OXR1: variants seen among roughly 807,000 people sequenced by gnomAD.
OXR1 encodes the protein oxidation resistance 1, also known as oxidation resistance protein 1.
In OXR1, 41 loss-of-function variants were observed where a neutral mutation model predicts 104.6. The ratio of observed to expected loss-of-function variants is 0.39; its 90% CI spans 0.31 to 0.51. OXR1 has a LOEUF of 0.51. Ranked by LOEUF, OXR1 falls within the 20% of genes least tolerant of loss-of-function variation. The pLI is 0.77. For synonymous variants in OXR1, 348 were observed against 348.4 expected (o/e 1.00, Z 0.01); for missense variants, 955 against 1,031.9 (o/e 0.93, Z 1.02).
At chr8:106,340,568 G>A (rs888654500) in intron 1 of OXR1, among the ~76,000 whole-genome samples, 4 of 151,998 alleles carry the variant, frequency 2.6e-5, no homozygotes, top group African/African-American at 9.7e-5. Flanking sequence ...TTTCTTCATA[G>A]CATTTATGAT....
intron 3 of OXR1, among the ~76,000 whole-genome samples, chr8:106,592,280 G>C (rs765038232): frequency 6.6e-6 from 1 of 152,000 alleles, no homozygotes; most frequent in Non-Finnish European, 1.5e-5. Context: ...CAATAAATAA[G>C]AAAAAATCAA....
At chr8:106,428,868 A>G (rs1027295494) in intron 2 of OXR1, among the ~76,000 whole-genome samples, 4 of 152,144 alleles carry the variant, frequency 2.6e-5, no homozygotes, top group Non-Finnish European at 5.9e-5. Context: ...ATCAGTAAGC[A>G]TCTCATTGTT....
At chr8:106,561,628 AG>A (rs781208500) in intron 3 of OXR1, among the ~76,000 whole-genome samples, 2 of 152,206 alleles carry the variant, frequency 1.3e-5, no homozygotes, top group Non-Finnish European at 2.9e-5. Flanking sequence ...AGCTCTGCTA[AG>A]GGACAGACTA....
At chr8:106,666,767 G>A (rs1587008913) in intron 3 of OXR1, among the ~76,000 whole-genome samples, 2 of 152,120 alleles carry the variant, frequency 1.3e-5, no homozygotes, top group South Asian at 4.1e-4. Flanking sequence ...GATCAGATAC[G>A]GAAGGTAATC....
chr8:106,339,726 A>AT (rs1253108946), intron 1 of OXR1, among the ~76,000 whole-genome samples: 7 of 150,844 alleles, frequency 4.6e-5, no homozygotes, highest in Admixed American at 2.6e-4. Context: ...TCTTCCTTTG[A>AT]TAAAAAAAAA....
chr8:106,656,803 A>G (rs1371129102), intron 3 of OXR1, among the ~76,000 whole-genome samples: 1 of 151,382 alleles, frequency 6.6e-6, no homozygotes, highest in Non-Finnish European at 1.5e-5. Context: ...ATGATGCAAA[A>G]AAGATCTGTC....
At chr8:106,714,293 AATTTTGCTGTTATATT>A (rs1195756417) in intron 11 of OXR1, among the ~76,000 whole-genome samples, 1 of 152,006 alleles carries the variant, frequency 6.6e-6, no homozygotes, top group Non-Finnish European at 1.5e-5. Context: ...AAATAATTTT[AATTTTGCTGTTATATT>A]AATTTTCATA....
At chr8:106,674,485 C>T (rs545943867) in intron 3 of OXR1, among the ~76,000 whole-genome samples, 4 of 152,082 alleles carry the variant, frequency 2.6e-5, no homozygotes, top group East Asian at 3.9e-4. Flanking sequence ...TGCCTTGTCT[C>T]GGGTAAGACT....
intron 3 of OXR1, among the ~76,000 whole-genome samples, chr8:106,631,318 C>A (rs1822667456): frequency 6.6e-6 from 1 of 152,138 alleles, no homozygotes; most frequent in Non-Finnish European, 1.5e-5. Context: ...TACATTATCA[C>A]CTGTGGTTTT....
At chr8:106,576,390 A>C (rs1341780458) in intron 3 of OXR1, among the ~76,000 whole-genome samples, 1 of 151,100 alleles carries the variant, frequency 6.6e-6, no homozygotes, top group East Asian at 1.9e-4. Flanking sequence ...TTTTAGGAGT[A>C]GAAATTATTC....
chr8:106,439,524 A>G (rs1819702886), intron 2 of OXR1, among the ~76,000 whole-genome samples: 2 of 151,998 alleles, frequency 1.3e-5, no homozygotes, highest in South Asian at 4.1e-4. Flanking sequence ...GTTTTTCCTG[A>G]TATTTGCTTT....
chr8:106,282,897 CTGTT>C (rs991677593), intron 1 of OXR1, among the ~76,000 whole-genome samples: 1 of 152,130 alleles, frequency 6.6e-6, no homozygotes, highest in African/African-American at 2.4e-5. Flanking sequence ...AATTTGATAA[CTGTT>C]TCTCATTGCA....
In OXR1 at chr8:106,333,781, G is replaced by T. The variant is rs77171623; in HGVS notation, c.-138-25695G>T. 5.9e-5 allele frequency among the ~76,000 whole-genome samples: 9 copies of T among 152,160 alleles called. No homozygotes were observed. In the East Asian group the frequency reaches 1.7e-3, roughly 29 times the overall value. On this transcript the variant is annotated intron_variant, in intron 1 of 16. Transcript: ENST00000517566. ...AATTCAATTGACCATGGATATATGA[G>T]TTTGTTTCTGGACTCTCCATTATAG...
chr8:106,353,085 G>A (rs1032071102), intron 1 of OXR1, among the ~76,000 whole-genome samples: 5 of 152,126 alleles, frequency 3.3e-5, no homozygotes, highest in Admixed American at 2.0e-4. Flanking sequence ...GGTGGCTCAC[G>A]CCTATAATCC....
chr8:106,432,066 A>G (rs1432659628), intron 2 of OXR1, among the ~76,000 whole-genome samples: 1 of 152,230 alleles, frequency 6.6e-6, no homozygotes, highest in African/African-American at 2.4e-5. Context: ...TCTACAAATA[A>G]TATATCTACT....
intron 2 of OXR1, among the ~76,000 whole-genome samples, chr8:106,394,667 G>A (rs1817708734): frequency 6.6e-6 from 1 of 152,082 alleles, no homozygotes; most frequent in Non-Finnish European, 1.5e-5. Flanking sequence ...TCAACTTAAA[G>A]ATGCTAGACC....
At chr8:106,745,994 G>A in intron 16 of OXR1, 132 bp downstream of exon 16, 1 of 557,582 alleles carries the variant, frequency 1.8e-6, no homozygotes, top group South Asian at 2.9e-5. Context: ...GAAAAAGAGA[G>A]TATAATGTAT....
chr8:106,717,135 A>G (rs924672860), intron 11 of OXR1, among the ~76,000 whole-genome samples: 2 of 152,056 alleles, frequency 1.3e-5, no homozygotes, highest in Non-Finnish European at 2.9e-5. Context: ...GCAGTGAGCC[A>G]AGATCACACC....
At position 106,287,223 on chromosome 8, in the gene OXR1, C is replaced by T. The variant is rs192677349; in HGVS notation, c.-139+16856C>T. 2.2e-3 allele frequency among the ~76,000 whole-genome samples: 335 copies of T among 152,194 alleles called. 2 individuals carry two copies. Among genetic ancestry groups the T allele is most frequent in the African/African-American group, 7.6e-3 (314 of 41,538 alleles). ...TTCTCATGATTTCTTTATGAAAAGA[C>T]GTGTGAAACATGTATAAATTAGGAT... is the stretch of plus-strand genomic sequence containing the variant. On this transcript the variant is annotated intron_variant, in intron 1 of 16. Coordinates refer to ENST00000517566, the MANE Select transcript of OXR1 (RefSeq NM_001198533.2).
Sources: gnomAD v4.1 joint callset for allele counts (sites outside exome capture counted in the v4.1 genomes callset) on GRCh38, gnomAD v4.1.1 for gene constraint, MANE v1.5 for transcripts, NCBI Gene and HGNC (gene_info 2026-07-23, HGNC 2026-07-21) for gene names.